RPGRIP1: variants seen among roughly 807,000 people sequenced by gnomAD.
The protein encoded by RPGRIP1 is RPGR interacting protein 1, also known as X-linked retinitis pigmentosa GTPase regulator-interacting protein 1.
In RPGRIP1, 128 loss-of-function variants were observed where a neutral mutation model predicts 157.9. The observed-to-expected ratio is 0.81, with a 90% CI of 0.70 to 0.94. The LOEUF (loss-of-function observed/expected upper bound fraction) is 0.94, where lower values mean the gene tolerates loss of function less well. Among genes scored for constraint, RPGRIP1 ranks in the 40% least tolerant of loss-of-function variants. The pLI is 0.00. For missense variants in RPGRIP1, 1,486 were observed against 1,545.8 expected, an observed-to-expected ratio of 0.96 and a Z score of 0.65; for synonymous variants, 554 against 571.6, an observed-to-expected ratio of 0.97 and a Z score of 0.44.
rs563092913 is a variant in RPGRIP1, at chr14:21,303,658, C to T, written c.800+115C>T. ...AAGAGTGTTTGGGATTAAATTCAATCGGAGTAGTAGACACGGAGTCCCTCG... is the reference window on the plus strand; with the variant it reads ...AAGAGTGTTTGGGATTAAATTCAATTGGAGTAGTAGACACGGAGTCCCTCG... On this transcript the variant is annotated intron_variant, in intron 6 of 24. Transcript: ENST00000400017. 1.7e-4 allele frequency: 132 copies of T among 793,354 alleles called. No individual in the cohort carries two copies. In the African/African-American group the frequency reaches 1.8e-3, roughly 11 times the overall value. The allele number at this position is 793,354 out of a possible 1,614,324, so 49.1% of individuals were successfully genotyped here.
chr14:21,324,284 G>T, intron 14 of RPGRIP1: 1 of 374,006 alleles, frequency 2.7e-6, no homozygotes, highest in South Asian at 2.5e-5. Context: ...TTCTCTTATG[G>T]AATTACCAGT....
intron 19 of RPGRIP1, among the ~76,000 whole-genome samples, chr14:21,328,986 A>T (rs548823792): frequency 1.3e-4 from 20 of 152,208 alleles, no homozygotes; most frequent in African/African-American, 4.3e-4. Flanking sequence ...TCTACTAAAA[A>T]TACAAAAATT....
Position 21,323,708 on chromosome 14 carries a change from C to A in RPGRIP1, c.1763-910C>A, listed in dbSNP as rs112653546. ...TTTTATGCTGAGATTATTACTCCTG[C>A]ATCATGTAATGCAAAATTTTAAGTA... On this transcript the variant is annotated intron_variant, in intron 14 of 24. Coordinates refer to ENST00000400017, the MANE Select transcript of RPGRIP1 (RefSeq NM_020366.4). Among the ~76,000 whole-genome samples, 1,437 of 152,054 alleles carry A rather than the reference C, an allele frequency of 9.5e-3. 25 individuals are homozygous for A. Among genetic ancestry groups the A allele is most frequent in the African/African-American group, 0.031 (1,285 of 41,468 alleles).
At position 21,343,866 on chromosome 14, in the gene RPGRIP1, G is replaced by GTTTT. The variant is rs67535379; in HGVS notation, c.3532+676_3532+679dup. ...TGATTTTTGTTCTTCCTCTTTTCCT[G>GTTTT]TTTTTTTTTTTTTTTTTTTTTTTTT... is the stretch of plus-strand genomic sequence containing the variant. On this transcript the variant is annotated intron_variant, in intron 22 of 24. Transcript: ENST00000400017. Among the ~76,000 whole-genome samples, 22 of 50,426 alleles carry GTTTT rather than the reference G, an allele frequency of 4.4e-4. 3 individuals carry two copies. Among genetic ancestry groups the GTTTT allele is most frequent in the Non-Finnish European group, 5.4e-4 (15 of 27,760 alleles). 33.1% of individuals were successfully genotyped at this position (50,426 alleles called of 152,430 possible).
chr14:21,327,841 C>G, intron 18 of RPGRIP1, 34 bp downstream of exon 18: 1 of 1,488,270 alleles, frequency 6.7e-7, no homozygotes, highest in Non-Finnish European at 9.1e-7. Context: ...TAGCAGATCT[C>G]TGCCAATCCT....
intron 21 of RPGRIP1, among the ~76,000 whole-genome samples, chr14:21,337,648 G>A (rs1264891041): frequency 6.6e-6 from 1 of 151,502 alleles, no homozygotes; most frequent in Non-Finnish European, 1.5e-5. Context: ...CACTATGTTG[G>A]CCAGGCTGGT....
intron 3 of RPGRIP1, among the ~76,000 whole-genome samples, chr14:21,297,834 A>ATTTTTTCTTTCTTTCTTTCT (rs146421534): frequency 0.058 from 7,763 of 133,292 alleles, 363 homozygotes; most frequent in East Asian, 0.093. Context: ...TCAATAAATT[A>ATTTTTTCTTTCTTTCTTTCT]TTCTTTCTTT....
chr14:21,348,311 T>G lies in RPGRIP1; in HGVS notation c.3748+9T>G. The G allele has an allele frequency of 6.7e-7, 1 of 1,500,604 alleles. No individual in the cohort carries two copies. The highest frequency in any genetic ancestry group is 8.9e-7 in the Non-Finnish European group (1 of 1,121,110). The allele number at this position is 1,500,604 out of a possible 1,614,324, so 93.0% of individuals were successfully genotyped here. A position where few individuals can be genotyped will look rare whatever the true frequency, so the allele number is the denominator to read the frequency against. On this transcript the variant is annotated intron_variant, in intron 24 of 24. Transcript: ENST00000400017. ...AGAGCAAGAGCTAGACAGTGAGTCA[T>G]TTTTTTTTCAGTTCTAATTATTTCC...
intron 21 of RPGRIP1, among the ~76,000 whole-genome samples, chr14:21,341,721 G>C (rs1313520685): frequency 6.6e-6 from 1 of 152,214 alleles, no homozygotes; most frequent in East Asian, 1.9e-4. Flanking sequence ...TTAAAAGAAA[G>C]GACAGGGTGA....
intron 3 of RPGRIP1, among the ~76,000 whole-genome samples, chr14:21,295,988 T>A (rs1167914509): frequency 2.6e-5 from 4 of 151,714 alleles, no homozygotes; most frequent in Non-Finnish European, 5.9e-5. Context: ...CAAGCTGGAG[T>A]GCAGTGGCGC....
intron 21 of RPGRIP1, among the ~76,000 whole-genome samples, chr14:21,339,632 A>T (rs1040658413): frequency 6.6e-6 from 1 of 152,228 alleles, no homozygotes; most frequent in East Asian, 1.9e-4. Flanking sequence ...TTAACTGCTG[A>T]TCGATATTGC....
At chr14:21,322,606 T>G (rs915224744) in intron 14 of RPGRIP1, among the ~76,000 whole-genome samples, 4 of 152,124 alleles carry the variant, frequency 2.6e-5, no homozygotes, top group Non-Finnish European at 5.9e-5. Flanking sequence ...GCTCTCAGGG[T>G]GGTGGTGTAA....
chr14:21,296,644 C>G (rs1432301320), intron 3 of RPGRIP1, among the ~76,000 whole-genome samples: 1 of 151,802 alleles, frequency 6.6e-6, no homozygotes, highest in Non-Finnish European at 1.5e-5. Flanking sequence ...ACCCATCGTG[C>G]CCAGTTAATT....
intron 14 of RPGRIP1, among the ~76,000 whole-genome samples, chr14:21,322,854 G>A (rs2041320534): frequency 6.6e-6 from 1 of 152,138 alleles, no homozygotes. Context: ...TTCATATTGT[G>A]GTGCCTCCTA....
intron 4 of RPGRIP1, among the ~76,000 whole-genome samples, chr14:21,301,580 G>A (rs1456444898): frequency 6.6e-6 from 1 of 151,780 alleles, no homozygotes; most frequent in Non-Finnish European, 1.5e-5. Context: ...GAGAGATTGA[G>A]GCAGGAGAAT....
chr14:21,351,168 T>C lies in RPGRIP1; in HGVS notation c.3813T>C (p.Ala1271=). 1 of 1,612,560 alleles carries C rather than the reference T, an allele frequency of 6.2e-7. No homozygotes were observed. The highest frequency in any genetic ancestry group is 1.1e-5 in the South Asian group (1 of 90,702). ...TGAAGGTTTCCCTTCAAGCAGCTGC[T>C]GTCCTCCATGCTATTTACAAGGAGA... ...GRLKVSLQAA[A]VLHAIYKEMT... Residue 1271 remains alanine, a synonymous_variant, in exon 25 of 25, where the codon GCT becomes GCC. Transcript: ENST00000400017.
chr14:21,303,988 CAAA>C (rs111950080), intron 6 of RPGRIP1, among the ~76,000 whole-genome samples: 1 of 129,484 alleles, frequency 7.7e-6, no homozygotes, highest in African/African-American at 2.8e-5. Context: ...AACTTGGTCT[CAAA>C]AAAAAAAAAA....
chr14:21,291,110 C>T (rs116548933), intron 2 of RPGRIP1, among the ~76,000 whole-genome samples: 203 of 152,090 alleles, frequency 1.3e-3, no homozygotes, highest in African/African-American at 4.6e-3. Flanking sequence ...TGTATATCTA[C>T]TTGGGAGAAA....
rs1420366070 is a variant in RPGRIP1, at chr14:21,321,278, A to G, written c.1487A>G (p.Gln496Arg). ...TQIEPSEPKN[Q>R]EEKKLSQVLN... ...CTACAGCCAAGTGAACCCAAAAACC[A>G]AGAAGAAAAGAAACTGTCCCAGGTG... is the stretch of plus-strand genomic sequence containing the variant. The change falls in exon 13 of 25, where the codon CAA becomes CGA. Residue 496 changes from glutamine to arginine, a missense_variant. Physicochemically the swap from Gln to Arg is conservative, Grantham distance 43. Coordinates refer to ENST00000400017, the MANE Select transcript of RPGRIP1 (RefSeq NM_020366.4). The G allele has an allele frequency of 6.2e-7, 1 of 1,613,464 alleles. No individual in the cohort carries two copies. The highest frequency in any genetic ancestry group is 1.7e-5 in the Admixed American group (1 of 59,896).
Sources: gnomAD v4.1 joint callset for allele counts (sites outside exome capture counted in the v4.1 genomes callset) on GRCh38, gnomAD v4.1.1 for gene constraint, MANE v1.5 for transcripts, NCBI Gene and HGNC (gene_info 2026-07-23, HGNC 2026-07-21) for gene names.